The following GRIN2B variants were observed in gnomAD, a reference collection of about 807,000 sequenced individuals.
The protein encoded by GRIN2B is glutamate receptor ionotropic, NMDA 2B.
A neutral mutation model predicts 114.5 loss-of-function variants in GRIN2B; 5 were observed. That is an observed-to-expected ratio of 0.04 (90% confidence interval 0.02 to 0.09). The LOEUF is 0.09. Ranked by LOEUF, GRIN2B falls within the 10% of genes least tolerant of loss-of-function variation. The pLI is 1.00. For missense variants in GRIN2B, 1,108 were observed against 1,943.5 expected (o/e 0.57, Z 8.08); for synonymous variants, 787 against 745.1 (o/e 1.06, Z -0.92).
rs527245617 is a variant in GRIN2B, at chr12:13,681,213, A to C, written c.1011-5354T>G. On this transcript the variant is annotated intron_variant, in intron 4 of 13. Transcript: ENST00000609686. Reference sequence around the variant, plus strand: ...TTACAAGCACTAGATTTTTAAAATTAATATCTGCTAATGTGTCAATCAGAG... The same window carrying C: ...TTACAAGCACTAGATTTTTAAAATTCATATCTGCTAATGTGTCAATCAGAG... 5.3e-5 allele frequency among the ~76,000 whole-genome samples: 8 copies of C among 152,264 alleles called. No homozygotes were observed. The East Asian group carries it at 1.5e-3, about 29-fold the overall frequency.
At chr12:13,608,500 G>C in intron 10 of GRIN2B, 103 bp downstream of exon 10, 1 of 820,330 alleles carries the variant, frequency 1.2e-6, no homozygotes, top group Non-Finnish European at 2.1e-6. Flanking sequence ...AGAAAGAACG[G>C]TCAATTCCAA....
At chr12:13,566,108 G>A (rs1433463421) in intron 13 of GRIN2B, among the ~76,000 whole-genome samples, 1 of 152,172 alleles carries the variant, frequency 6.6e-6, no homozygotes, top group Non-Finnish European at 1.5e-5. Context: ...GAGCTCACCT[G>A]ATGGCCTGAA....
intron 3 of GRIN2B, among the ~76,000 whole-genome samples, chr12:13,853,507 A>G (rs1044317107): frequency 1.3e-5 from 2 of 152,248 alleles, no homozygotes; most frequent in African/African-American, 4.8e-5. Context: ...GAGCGCTAAT[A>G]AAGTCAGGGC....
intron 4 of GRIN2B, among the ~76,000 whole-genome samples, chr12:13,722,831 G>T (rs900241507): frequency 2.6e-5 from 4 of 152,128 alleles, no homozygotes; most frequent in African/African-American, 9.7e-5. Context: ...AGACAAGCAA[G>T]AAATGAGCAG....
At chr12:13,774,102 T>C (rs754509048) in intron 3 of GRIN2B, among the ~76,000 whole-genome samples, 7 of 152,170 alleles carry the variant, frequency 4.6e-5, no homozygotes, top group Non-Finnish European at 1.0e-4. Flanking sequence ...CTGGTGTGGA[T>C]ACTAGAGAGA....
intron 10 of GRIN2B, among the ~76,000 whole-genome samples, chr12:13,593,331 T>C (rs576869666): frequency 6.6e-6 from 1 of 152,188 alleles, no homozygotes; most frequent in Non-Finnish European, 1.5e-5. Flanking sequence ...AGCATGGTAC[T>C]GGTACCAAAA....
At chr12:13,782,870 A>C (rs1864144784) in intron 3 of GRIN2B, among the ~76,000 whole-genome samples, 1 of 152,172 alleles carries the variant, frequency 6.6e-6, no homozygotes, top group East Asian at 1.9e-4. Context: ...ACAGATATGG[A>C]AAGAGTCCAC....
intron 3 of GRIN2B, among the ~76,000 whole-genome samples, chr12:13,809,961 CAGG>C (rs1864695515): frequency 1.3e-5 from 2 of 152,166 alleles, no homozygotes; most frequent in Admixed American, 1.3e-4. Flanking sequence ...CTGCTCTAGT[CAGG>C]AGATCTTCTT....
At chr12:13,704,048 T>C (rs959688520) in intron 4 of GRIN2B, among the ~76,000 whole-genome samples, 1 of 152,106 alleles carries the variant, frequency 6.6e-6, no homozygotes, top group Non-Finnish European at 1.5e-5. Flanking sequence ...TTCTGAAGAT[T>C]GGGGAGAAAT....
chr12:13,965,689 C>T (rs1166242120), intron 2 of GRIN2B, among the ~76,000 whole-genome samples: 1 of 152,066 alleles, frequency 6.6e-6, no homozygotes, highest in Non-Finnish European at 1.5e-5. Context: ...CCTTTAATTT[C>T]TCATATAACT....
intron 9 of GRIN2B, among the ~76,000 whole-genome samples, chr12:13,610,244 C>T (rs796963745): frequency 5.9e-5 from 9 of 152,190 alleles, no homozygotes. Flanking sequence ...GTAAAATGCT[C>T]TAAGGAGACT....
chr12:13,802,328 GC>G (rs1285667278), intron 3 of GRIN2B, among the ~76,000 whole-genome samples: 1 of 150,470 alleles, frequency 6.6e-6, no homozygotes, highest in Non-Finnish European at 1.5e-5. Flanking sequence ...TATTGCAAAG[GC>G]GGGGGAAGTG....
chr12:13,865,785 A>T lies in GRIN2B; in HGVS notation c.411+13T>A, dbSNP rs763630946. ...CAAACCCTCAGGCCCTTCTCCCTGCAGCCCCTTTTTACCTTATCTGCCATT... is the reference window on the plus strand; with the variant it reads ...CAAACCCTCAGGCCCTTCTCCCTGCTGCCCCTTTTTACCTTATCTGCCATT... On this transcript the variant is annotated intron_variant, in intron 3 of 13. Coordinates refer to ENST00000609686, the MANE Select transcript of GRIN2B (RefSeq NM_000834.5). 2 of 1,606,700 alleles carry T rather than the reference A, an allele frequency of 1.2e-6. No individual in the cohort carries two copies. The highest frequency in any genetic ancestry group is 2.2e-5 in the South Asian group (2 of 90,956).
chr12:13,641,935 C>T (rs1196793058), intron 5 of GRIN2B, among the ~76,000 whole-genome samples: 1 of 152,136 alleles, frequency 6.6e-6, no homozygotes, highest in Non-Finnish European at 1.5e-5. Context: ...TGCCTGTAAT[C>T]CCAGAACTTT....
intron 4 of GRIN2B, among the ~76,000 whole-genome samples, chr12:13,736,658 T>A (rs1229165781): frequency 1.3e-5 from 2 of 152,112 alleles, no homozygotes; most frequent in South Asian, 4.1e-4. Flanking sequence ...ATTGTTCATA[T>A]GGAAAACAAG....
chr12:13,565,315 G>A (rs1472890013), intron 13 of GRIN2B, among the ~76,000 whole-genome samples: 2 of 151,786 alleles, frequency 1.3e-5, no homozygotes, highest in Non-Finnish European at 2.9e-5. Flanking sequence ...CTGTGGGAGG[G>A]AAGAATTGGG....
chr12:13,732,050 C>T (rs978272868), intron 4 of GRIN2B, among the ~76,000 whole-genome samples: 2 of 151,734 alleles, frequency 1.3e-5, no homozygotes, highest in Admixed American at 6.6e-5. Context: ...GGATTTAAAA[C>T]AAAAATACAC....
At position 13,851,409 on chromosome 12, in the gene GRIN2B, C is replaced by G. The variant is rs528286787; in HGVS notation, c.411+14389G>C. 1.3e-4 allele frequency among the ~76,000 whole-genome samples: 20 copies of G among 152,244 alleles called. No homozygotes were observed. The South Asian group carries it at 2.7e-3, about 21-fold the overall frequency. On this transcript the variant is annotated intron_variant, in intron 3 of 13. Transcript: ENST00000609686. ...CACTCAATGACATTGCACTGGAAAC[C>G]ATGATGAGAAATCTCACCAAATAGA... is the stretch of plus-strand genomic sequence containing the variant.
At chr12:13,705,989 A>G (rs1950356597) in intron 4 of GRIN2B, among the ~76,000 whole-genome samples, 1 of 152,272 alleles carries the variant, frequency 6.6e-6, no homozygotes, top group East Asian at 1.9e-4. Flanking sequence ...AAAGATTTCA[A>G]TTAGACATAA....
Sources: allele counts gnomAD v4.1 joint callset (sites outside exome capture counted in the v4.1 genomes callset), GRCh38; gene constraint gnomAD v4.1.1; transcripts MANE v1.5; gene names NCBI Gene and HGNC (gene_info 2026-07-23, HGNC 2026-07-21).